Variants in ATXN7 observed in about 807,000 individuals in gnomAD.
ATXN7 encodes ataxin-7.
ATXN7 carries 12 observed loss-of-function variants against 70.5 expected under a neutral mutation model. That is an observed-to-expected ratio of 0.17 (90% CI 0.11 to 0.28). The LOEUF (loss-of-function observed/expected upper bound fraction) is 0.28. ATXN7 is among the 10% of genes least tolerant of loss of function. The pLI is 1.00. For synonymous variants in ATXN7, 498 were observed against 448.7 expected (o/e 1.11, Z -1.39); for missense variants, 1,256 against 1,131.7 (o/e 1.11, Z -1.58).
chr3:63,927,619 A>G (rs1704769000), intron 4 of ATXN7, among the ~76,000 whole-genome samples: 1 of 152,234 alleles, frequency 6.6e-6, no homozygotes, highest in Non-Finnish European at 1.5e-5. Flanking sequence ...TAGCTGGTAT[A>G]TACAAATAAA....
At chr3:63,933,358 A>G (rs949451854) in intron 4 of ATXN7, among the ~76,000 whole-genome samples, 2 of 152,164 alleles carry the variant, frequency 1.3e-5, no homozygotes, top group East Asian at 3.9e-4. Flanking sequence ...CTGACCTTCA[A>G]AGTAGTCAAT....
rs2075609435 is a variant in ATXN7 at position 63,988,155 on chromosome 3, T to C, written c.1192T>C (p.Leu398=). Residue 398 remains leucine (L), a synonymous_variant, in exon 9 of 13, where the codon TTG becomes CTG. Transcript: ENST00000674280. ...EHKNKTREKE[L]IRHPDSQQPP... ...CAAAAACAAAACCAGGGAAAAGGAA[T>C]TGATTCGCCATCCGGACTCTCAGCA... 1 of 1,613,986 alleles carries C rather than the reference T, an allele frequency of 6.2e-7. No individual in the cohort carries two copies. The highest frequency in any genetic ancestry group is 1.7e-5 in the Admixed American group (1 of 59,994).
Position 63,999,697 on chromosome 3 carries a change from G to A in ATXN7, c.*230G>A. On this transcript the variant is annotated 3_prime_UTR_variant, in exon 13 of 13. Coordinates refer to ENST00000674280, the MANE Select transcript of ATXN7 (RefSeq NM_001377405.1). ...CTGGATCAAGTTCAGCCACCGAATTGCTTTTATCAGTGTTAAAGTGGTCTG... is the reference window on the plus strand; with the variant it reads ...CTGGATCAAGTTCAGCCACCGAATTACTTTTATCAGTGTTAAAGTGGTCTG... The A allele has an allele frequency of 1.4e-6, 1 of 732,940 alleles. No homozygotes were observed. Among genetic ancestry groups the A allele is most frequent in the African/African-American group, 1.8e-5 (1 of 56,796 alleles). The allele number at this position is 732,940 out of a possible 1,614,324, so 45.4% of individuals were successfully genotyped here. A position where few individuals can be genotyped will look rare whatever the true frequency, so the allele number is the denominator to read the frequency against.
chr3:63,980,382 T>C (rs904624431), intron 6 of ATXN7: 2 of 636,142 alleles, frequency 3.1e-6, no homozygotes, highest in African/African-American at 3.7e-5. Flanking sequence ...CTAACATTTA[T>C]TGATCCATTC....
intron 1 of ATXN7, among the ~76,000 whole-genome samples, chr3:63,897,043 A>T (rs541780209): frequency 1.3e-5 from 2 of 152,234 alleles, no homozygotes; most frequent in South Asian, 4.1e-4. Flanking sequence ...GTGAATGCTT[A>T]TCATGAACAT....
intron 5 of ATXN7, among the ~76,000 whole-genome samples, chr3:63,963,640 T>C (rs1406914878): frequency 6.6e-6 from 1 of 152,210 alleles, no homozygotes; most frequent in Non-Finnish European, 1.5e-5. Context: ...CCTTTTCTAC[T>C]CAACAATACC....
At chr3:63,964,381 G>A (rs1424217663) in intron 5 of ATXN7, among the ~76,000 whole-genome samples, 2 of 152,056 alleles carry the variant, frequency 1.3e-5, no homozygotes, top group Non-Finnish European at 2.9e-5. Flanking sequence ...TAATTGCAAG[G>A]CCAAGGAAAA....
At position 63,982,337 on chromosome 3, in the gene ATXN7, T is replaced by C. The variant is rs746701753; in HGVS notation, c.904T>C (p.Ser302Pro). Reference sequence around the variant, plus strand: ...CTCAATACCAAAGCCAACCTTGCCTTCACCTGGACAGATTCTGAATGGCAA... The same window carrying C: ...CTCAATACCAAAGCCAACCTTGCCTCCACCTGGACAGATTCTGAATGGCAA... Reference protein sequence around the residue: ...CPSIPKPTLPSPGQILNGKGL... With the variant: ...CPSIPKPTLPPPGQILNGKGL... Residue 302 changes from serine to proline, a missense_variant, in exon 7 of 13, where the codon TCA (serine) becomes CCA (proline). Physicochemically the swap from Ser to Pro is moderately conservative, Grantham distance 74 (BLOSUM62 -1). Coordinates refer to ENST00000674280, the MANE Select transcript of ATXN7 (RefSeq NM_001377405.1). 6.2e-7 allele frequency: 1 copy of C among 1,614,148 alleles called. No individual in the cohort carries two copies. The highest frequency in any genetic ancestry group is 8.5e-7 in the Non-Finnish European group (1 of 1,180,022).
At chr3:63,993,042 T>A (rs2075697139) in intron 11 of ATXN7, among the ~76,000 whole-genome samples, 2 of 152,130 alleles carry the variant, frequency 1.3e-5, no homozygotes, top group Non-Finnish European at 2.9e-5. Context: ...GTGGTAAAAT[T>A]GAAGGTAAGT....
At chr3:63,870,340 C>T (rs58965453) in intron 1 of ATXN7, among the ~76,000 whole-genome samples, 1 of 152,078 alleles carries the variant, frequency 6.6e-6, no homozygotes, top group African/African-American at 2.4e-5. Flanking sequence ...GAATCCTTGC[C>T]TAGAATATTA....
intron 5 of ATXN7, among the ~76,000 whole-genome samples, chr3:63,965,849 C>T (rs1180568295): frequency 6.6e-6 from 1 of 152,116 alleles, no homozygotes; most frequent in African/African-American, 2.4e-5. Context: ...GCTTTGTTCT[C>T]AATTTCTGTG....
Position 63,996,071 on chromosome 3 carries a change from T to C in ATXN7, c.2249T>C (p.Val750Ala), listed in dbSNP as rs775735462. Residue 750 changes from valine to alanine, a missense_variant, in exon 12 of 13, where the codon GTA becomes GCA. By Grantham distance (64) the Val-to-Ala change is moderately conservative (BLOSUM62 0). Transcript: ENST00000674280. ...AHSGPPYPST[V>A]TSSHSIGLNC... is the part of the protein sequence containing the mutation. ...TCTGGGCCTCCCTACCCCTCAACGG[T>C]AACATCTTCCCATAGCATCGGCCTC... 6.2e-7 allele frequency: 1 copy of C among 1,614,100 alleles called. No homozygotes were observed. The highest frequency in any genetic ancestry group is 1.1e-5 in the South Asian group (1 of 91,074).
At chr3:63,949,010 T>C (rs1263232294) in intron 4 of ATXN7, among the ~76,000 whole-genome samples, 5 of 152,210 alleles carry the variant, frequency 3.3e-5, no homozygotes, top group African/African-American at 1.2e-4. Context: ...AATGAATTCA[T>C]TTTTATTAAT....
chr3:63,996,459 G>C lies in ATXN7; in HGVS notation c.2637G>C (p.Leu879=), dbSNP rs751794557. 1 of 1,614,054 alleles carries C rather than the reference G, an allele frequency of 6.2e-7. No individual in the cohort carries two copies. The highest frequency in any genetic ancestry group is 8.5e-7 in the Non-Finnish European group (1 of 1,180,034). ...HTGTIPGAQG[L]MNSSLLHQPK... The stretch of plus-strand genomic sequence containing the variant: ...GCACCATCCCAGGGGCACAAGGACT[G>C]ATGAACAGTTCCCTCCTTCATCAGG... Residue 879 remains leucine, a synonymous_variant, in exon 12 of 13, where the codon CTG becomes CTC. Coordinates refer to ENST00000674280, the MANE Select transcript of ATXN7 (RefSeq NM_001377405.1).
rs1704003847 is a variant in ATXN7, at chr3:63,911,239, T to C, written c.-11-1349T>C. On this transcript the variant is annotated intron_variant, in intron 2 of 12. Coordinates refer to ENST00000674280, the MANE Select transcript of ATXN7 (RefSeq NM_001377405.1). ...TAGTAATATCAACAATTATTGAAAG[T>C]GGTGTGGTCTGCTACTGTTTCAAGT... Among the ~76,000 whole-genome samples the C allele has an allele frequency of 2.7e-5, 4 of 149,414 alleles. No individual in the cohort carries two copies. In the South Asian group the frequency reaches 8.4e-4, roughly 31 times the overall value.
At chr3:63,968,018 G>T (rs1218065205) in intron 5 of ATXN7, 1 of 1,472,088 alleles carries the variant, frequency 6.8e-7, no homozygotes, top group African/African-American at 1.4e-5. Context: ...GCTTGGCTCA[G>T]GGCCCAGCTC....
chr3:63,965,463 C>T (rs576411517), intron 5 of ATXN7, among the ~76,000 whole-genome samples: 1 of 152,248 alleles, frequency 6.6e-6, no homozygotes. Flanking sequence ...TTCAGAACTC[C>T]CTTTGTGCAC....
intron 4 of ATXN7, among the ~76,000 whole-genome samples, chr3:63,923,294 T>C (rs1575900659): frequency 6.6e-6 from 1 of 152,190 alleles, no homozygotes; most frequent in Admixed American, 6.5e-5. Flanking sequence ...TGCCAGGTTT[T>C]CTGATGGGTG....
chr3:63,913,053 G>A, intron 3 of ATXN7, 104 bp from the exon 4 acceptor site: 2 of 1,486,694 alleles, frequency 1.3e-6, no homozygotes, highest in Admixed American at 1.8e-5. Context: ...CTGGGTTGCG[G>A]AACGCGGAGG....
Sources: gnomAD v4.1 joint callset for allele counts (sites outside exome capture counted in the v4.1 genomes callset) on GRCh38, gnomAD v4.1.1 for gene constraint, MANE v1.5 for transcripts, NCBI Gene and HGNC (gene_info 2026-07-23, HGNC 2026-07-21) for gene names.